FBXL20: variants seen among roughly 807,000 people sequenced by gnomAD.
The protein encoded by FBXL20 is F-box/LRR-repeat protein 20.
FBXL20 carries 11 observed loss-of-function variants against 64.0 expected under a neutral mutation model. That is an observed-to-expected ratio of 0.17 (90% CI 0.11 to 0.28). The LOEUF is 0.28. Ranked by LOEUF, FBXL20 falls within the 10% of genes least tolerant of loss-of-function variation. The pLI is 1.00. For synonymous variants in FBXL20, 184 were observed against 189.0 expected, an observed-to-expected ratio of 0.97 and a Z score of 0.22; for missense variants, 303 against 526.2, an observed-to-expected ratio of 0.58 and a Z score of 4.15.
chr17:39,357,885 C>G (rs1007224021), intron 1 of FBXL20, among the ~76,000 whole-genome samples: 5 of 152,318 alleles, frequency 3.3e-5, no homozygotes, highest in African/African-American at 1.2e-4. Flanking sequence ...AACAAATTCT[C>G]TCAGTATTTG....
At chr17:39,379,026 A>G (rs958063083) in intron 1 of FBXL20, among the ~76,000 whole-genome samples, 17 of 150,394 alleles carry the variant, frequency 1.1e-4, no homozygotes, top group East Asian at 2.0e-4. Context: ...TCGGGAGTTC[A>G]AGACCAGCCT....
intron 2 of FBXL20, among the ~76,000 whole-genome samples, chr17:39,310,179 G>A (rs1008215042): frequency 2.0e-5 from 3 of 149,616 alleles, no homozygotes; most frequent in South Asian, 4.2e-4. Flanking sequence ...GAAAAGAAAC[G>A]AAACAACTTG....
At chr17:39,343,758 TG>T (rs1460347893) in intron 1 of FBXL20, among the ~76,000 whole-genome samples, 1 of 151,304 alleles carries the variant, frequency 6.6e-6, no homozygotes, top group Non-Finnish European at 1.5e-5. Flanking sequence ...TACAGTGGCA[TG>T]ATCTCAGCTC....
chr17:39,271,785 C>A (rs1348846263), intron 10 of FBXL20, among the ~76,000 whole-genome samples: 1 of 152,064 alleles, frequency 6.6e-6, no homozygotes, highest in Non-Finnish European at 1.5e-5. Flanking sequence ...AAACTCCAAT[C>A]TAAATACCAA....
At chr17:39,319,213 C>A (rs1237629092) in intron 2 of FBXL20, among the ~76,000 whole-genome samples, 1 of 151,906 alleles carries the variant, frequency 6.6e-6, no homozygotes, top group South Asian at 2.1e-4. Context: ...CGCATCACTG[C>A]ACTCCAGCCT....
At chr17:39,338,208 C>T (rs951645786) in intron 2 of FBXL20, among the ~76,000 whole-genome samples, 3 of 152,176 alleles carry the variant, frequency 2.0e-5, no homozygotes, top group African/African-American at 7.2e-5. Flanking sequence ...AGTTCTTCTG[C>T]CTTGGGATCC....
intron 12 of FBXL20, 143 bp from the exon 13 acceptor site, chr17:39,265,596 T>A: frequency 2.0e-6 from 1 of 496,194 alleles, no homozygotes; most frequent in Non-Finnish European, 3.4e-6. Flanking sequence ...AGCCTAAAAC[T>A]TCTGGGCTCA....
intron 1 of FBXL20, among the ~76,000 whole-genome samples, chr17:39,384,871 A>G (rs2144662841): frequency 6.6e-6 from 1 of 152,190 alleles, no homozygotes; most frequent in South Asian, 2.1e-4. Flanking sequence ...AATCACGTGA[A>G]CCTGAGAAGC....
chr17:39,401,642 A>C, upstream of FBXL20: 1 of 1,283,578 alleles, frequency 7.8e-7, no homozygotes, highest in Non-Finnish European at 9.9e-7. Flanking sequence ...CTCAACTTCA[A>C]CCCAAAACAA....
chr17:39,319,425 G>A (rs182216409), intron 2 of FBXL20, among the ~76,000 whole-genome samples: 139 of 152,220 alleles, frequency 9.1e-4, no homozygotes, highest in African/African-American at 3.1e-3. Context: ...GGTGGCTCAC[G>A]CCTGTAATCC....
At chr17:39,362,218 G>A (rs539286410) in intron 1 of FBXL20, among the ~76,000 whole-genome samples, 3 of 152,084 alleles carry the variant, frequency 2.0e-5, no homozygotes, top group East Asian at 2.0e-4. Flanking sequence ...GCGTGAACCC[G>A]GGAGGCAGAG....
chr17:39,379,793 T>C (rs2048005102), intron 1 of FBXL20, among the ~76,000 whole-genome samples: 1 of 151,528 alleles, frequency 6.6e-6, no homozygotes, highest in African/African-American at 2.4e-5. Context: ...ATAAATAAAA[T>C]AACATAAAAT....
At chr17:39,401,999 C>T (rs1221414679), upstream of FBXL20, 6 of 537,592 alleles carry the variant, frequency 1.1e-5, no homozygotes, top group African/African-American at 2.0e-5. Context: ...CGCGGGGGCC[C>T]CTCTTCTGCC....
rs144019036 is a variant in FBXL20, at chr17:39,393,045, T to C, written c.42+8316A>G. The stretch of plus-strand genomic sequence containing the variant: ...GGCTCATGCCTATACTCTCAGCACT[T>C]TGGGAAGCCAAGGCGGGCGGATCAC... On this transcript the variant is annotated intron_variant, in intron 1 of 14. Coordinates refer to ENST00000264658, the MANE Select transcript of FBXL20 (RefSeq NM_032875.3). 2.0e-5 allele frequency among the ~76,000 whole-genome samples: 3 copies of C among 151,820 alleles called. No individual in the cohort carries two copies. The East Asian group carries it at 5.8e-4, about 29-fold the overall frequency.
intron 1 of FBXL20, among the ~76,000 whole-genome samples, chr17:39,377,506 GTTT>G (rs541524196): frequency 1.4e-5 from 2 of 144,408 alleles, no homozygotes; most frequent in African/African-American, 5.0e-5. Flanking sequence ...TTTTGTTGTT[GTTT>G]TTTTTTTTTG....
chr17:39,327,158 T>C (rs2047416698), intron 2 of FBXL20, among the ~76,000 whole-genome samples: 1 of 152,088 alleles, frequency 6.6e-6, no homozygotes, highest in Non-Finnish European at 1.5e-5. Flanking sequence ...AGTGCTGGGA[T>C]TACAGACGCG....
intron 6 of FBXL20, among the ~76,000 whole-genome samples, chr17:39,288,622 GATT>G (rs1567865077): frequency 6.6e-6 from 1 of 151,758 alleles, no homozygotes; most frequent in Non-Finnish European, 1.5e-5. Flanking sequence ...GGCCTTTTCC[GATT>G]ATTATTTTTT....
Position 39,256,524 on chromosome 17 carries a change from TAA to T in FBXL20, c.*4934_*4935del, listed in dbSNP as rs1420759608. 1 of 152,132 alleles carries T rather than the reference TAA, an allele frequency of 6.6e-6. No individual in the cohort carries two copies. The highest frequency in any genetic ancestry group is 1.5e-5 in the Non-Finnish European group (1 of 68,016). 9.4% of individuals were successfully genotyped at this position (152,132 alleles called of 1,614,324 possible). ...TCACAGTGCCTGGGTTTGAGGTGGC[TAA>T]AGATTCTAGGATTGGCAGGCAGATA... On this transcript the variant is annotated 3_prime_UTR_variant, in exon 15 of 15. Transcript: ENST00000264658.
Position 39,260,414 on chromosome 17 carries a change from A to C in FBXL20, c.*1046T>G, listed in dbSNP as rs552373676. On this transcript the variant is annotated 3_prime_UTR_variant, in exon 15 of 15. Coordinates refer to ENST00000264658, the MANE Select transcript of FBXL20 (RefSeq NM_032875.3). The stretch of plus-strand genomic sequence containing the variant: ...TTGGTGGAGTCTGACAGAAGGAAGA[A>C]TATGTAGGGGGAATATTGGGGATAC... 2 of 152,156 alleles carry C rather than the reference A, an allele frequency of 1.3e-5. No homozygotes were observed. The highest frequency in any genetic ancestry group is 2.9e-5 in the Non-Finnish European group (2 of 68,030). The allele number at this position is 152,156 out of a possible 1,614,324, so 9.4% of individuals were successfully genotyped here.
Sources: gnomAD v4.1 joint callset for allele counts (sites outside exome capture counted in the v4.1 genomes callset) on GRCh38, gnomAD v4.1.1 for gene constraint, MANE v1.5 for transcripts, NCBI Gene and HGNC (gene_info 2026-07-23, HGNC 2026-07-21) for gene names.